SUSD5: variants seen among roughly 807,000 people sequenced by gnomAD.
SUSD5 encodes sushi domain-containing protein 5.
SUSD5 carries 33 observed loss-of-function variants against 29.5 expected under a neutral mutation model. That is an observed-to-expected ratio of 1.12 (90% CI 0.85 to 1.49). The LOEUF (loss-of-function observed/expected upper bound fraction) is 1.49. Among genes scored for constraint, SUSD5 ranks in the 40% most tolerant of loss-of-function variants. SUSD5 has a pLI of 0.00. For synonymous variants in SUSD5, 308 were observed against 325.3 expected, an observed-to-expected ratio of 0.95 and a Z score of 0.57; for missense variants, 776 against 800.6, an observed-to-expected ratio of 0.97 and a Z score of 0.37.
chr3:33,164,481 TTTATG>T (rs771525858), intron 4 of SUSD5, among the ~76,000 whole-genome samples: 5 of 152,158 alleles, frequency 3.3e-5, no homozygotes, highest in African/African-American at 9.7e-5. Context: ...GATGGTAAAT[TTTATG>T]TTATGTGGTT....
rs181564257 is a variant in SUSD5 at position 33,204,149 on chromosome 3, A to G, written c.409+3659T>C. On this transcript the variant is annotated intron_variant, in intron 3 of 4. Coordinates refer to ENST00000309558, the MANE Select transcript of SUSD5 (RefSeq NM_015551.2). This position sits in a 1 kb window ranked among gnomAD's most constrained non-coding sequence, Gnocchi z 4.5. Reference sequence around the variant, plus strand: ...CATCATATCTACAAGTTACTCTCCAATGGTTCAAAAAAGAATTATAGATAC... The same window carrying G: ...CATCATATCTACAAGTTACTCTCCAGTGGTTCAAAAAAGAATTATAGATAC... Among the ~76,000 whole-genome samples, 1,692 of 152,130 alleles carry G rather than the reference A, an allele frequency of 0.011. 18 individuals carry two copies. The highest frequency in any genetic ancestry group is 0.017 in the Non-Finnish European group (1,150 of 67,988).
chr3:33,186,961 G>T (rs183116224), intron 3 of SUSD5, among the ~76,000 whole-genome samples: 1 of 152,216 alleles, frequency 6.6e-6, no homozygotes, highest in Admixed American at 6.5e-5. Context: ...TGCATCCTCC[G>T]CAGGGTGAGT....
At chr3:33,208,638 G>T (rs994184700) in intron 2 of SUSD5, among the ~76,000 whole-genome samples, 2 of 150,562 alleles carry the variant, frequency 1.3e-5, no homozygotes, top group African/African-American at 4.9e-5. Flanking sequence ...TTCTTTTTTG[G>T]GGCAGTATTC....
At chr3:33,181,891 C>A (rs1441716320) in intron 3 of SUSD5, among the ~76,000 whole-genome samples, 1 of 152,154 alleles carries the variant, frequency 6.6e-6, no homozygotes, top group East Asian at 1.9e-4. Context: ...ACGATGTTCA[C>A]ACAATGACAA....
chr3:33,163,931 C>T (rs1445150813), intron 4 of SUSD5, among the ~76,000 whole-genome samples: 3 of 152,032 alleles, frequency 2.0e-5, no homozygotes, highest in Non-Finnish European at 2.9e-5. Context: ...ACCCGGGAGG[C>T]GGAGCTTGCA....
chr3:33,153,630 AG>A lies in SUSD5; in HGVS notation c.1001del (p.Pro334LeufsTer5). On this transcript the variant is annotated frameshift_variant, in exon 5 of 5. Coordinates refer to ENST00000309558, the MANE Select transcript of SUSD5 (RefSeq NM_015551.2). LOFTEE classifies it low-confidence loss of function (END_TRUNC). ...HSGVKLVPGE[P>X]ETKVIYGNTD... is the part of the protein sequence containing the mutation. ...TGTTGCCGTAGATCACCTTGGTTTC[AG>A]GTTCACCTGGGACCAATTTTACACC... 1 of 1,614,018 alleles carries A rather than the reference AG, an allele frequency of 6.2e-7. No individual in the cohort carries two copies. Among genetic ancestry groups the A allele is most frequent in the Non-Finnish European group, 8.5e-7 (1 of 1,179,894 alleles).
chr3:33,184,279 T>C (rs1050468348), intron 3 of SUSD5, among the ~76,000 whole-genome samples: 3 of 152,118 alleles, frequency 2.0e-5, no homozygotes, highest in Admixed American at 6.6e-5. Context: ...AGAGGAGGAA[T>C]TGCATATAAT....
intron 4 of SUSD5, among the ~76,000 whole-genome samples, chr3:33,173,732 A>G (rs2031485753): frequency 6.6e-6 from 1 of 152,166 alleles, no homozygotes; most frequent in African/African-American, 2.4e-5. Context: ...CTTGGTACCT[A>G]GATGTCATGG....
chr3:33,179,806 T>C (rs1287420324), intron 3 of SUSD5, among the ~76,000 whole-genome samples: 2 of 152,234 alleles, frequency 1.3e-5, no homozygotes, highest in Admixed American at 6.5e-5. Flanking sequence ...CTAATTTTTA[T>C]TACAGTCATG....
intron 1 of SUSD5, 133 bp downstream of exon 1, chr3:33,218,553 G>A (rs1208219650): frequency 1.2e-6 from 1 of 815,134 alleles, no homozygotes. Flanking sequence ...GCAGGACCGC[G>A]GCTCGTTCGT....
chr3:33,178,747 G>A (rs575638521), intron 3 of SUSD5, among the ~76,000 whole-genome samples: 1 of 152,274 alleles, frequency 6.6e-6, no homozygotes, highest in African/African-American at 2.4e-5. Flanking sequence ...CCGGTCTGTA[G>A]TCTTTTTTGT....
Position 33,150,186 on chromosome 3 carries a change from CCCTTT to C in SUSD5, c.*2551_*2555del, listed in dbSNP as rs1319857033. 1 of 152,086 alleles carries C rather than the reference CCCTTT, an allele frequency of 6.6e-6. No individual in the cohort carries two copies. The highest frequency in any genetic ancestry group is 2.4e-5 in the African/African-American group (1 of 41,402). 9.4% of individuals were successfully genotyped at this position (152,086 alleles called of 1,614,324 possible). The stretch of plus-strand genomic sequence containing the variant: ...TTAGATTTACATTGTTTTAATCATT[CCCTTT>C]CAACATGAATTTTTAGATTCTATAA... On this transcript the variant is annotated 3_prime_UTR_variant, in exon 5 of 5. Coordinates refer to ENST00000309558, the MANE Select transcript of SUSD5 (RefSeq NM_015551.2).
chr3:33,213,929 C>T lies in SUSD5; in HGVS notation c.289G>A (p.Gly97Arg). The change falls in exon 2 of 5, where the codon GGA (glycine) becomes AGA (arginine). Residue 97 changes from glycine (G) to arginine (R), a missense_variant and splice_region_variant. Physicochemically the swap from Gly to Arg is moderately radical, Grantham distance 125. Transcript: ENST00000309558. ...AAAAGGAGTGCTCGCCTAACTTACC[C>T]AAGAGTACCATCTGCTAGCCAGCCA... ...TTGWLADGTLGTTVCSKGSGE... is the reference protein window; with the variant it reads ...TTGWLADGTLRTTVCSKGSGE... 3 of 1,593,640 alleles carry T rather than the reference C, an allele frequency of 1.9e-6. No individual in the cohort carries two copies. The highest frequency in any genetic ancestry group is 4.5e-5 in the East Asian group (2 of 44,354).
chr3:33,202,743 T>C (rs2032144205), intron 3 of SUSD5, among the ~76,000 whole-genome samples: 1 of 152,192 alleles, frequency 6.6e-6, no homozygotes, highest in South Asian at 2.1e-4. Flanking sequence ...TAACTTCACT[T>C]ATTAGTTTAA....
intron 3 of SUSD5, among the ~76,000 whole-genome samples, chr3:33,200,815 T>A (rs2032102767): frequency 6.6e-6 from 1 of 152,196 alleles, no homozygotes; most frequent in Admixed American, 6.5e-5. Flanking sequence ...AGAACTTGGC[T>A]GAATTGTGTT....
chr3:33,174,368 G>A (rs1196484974), intron 4 of SUSD5, among the ~76,000 whole-genome samples: 4 of 152,126 alleles, frequency 2.6e-5, no homozygotes, highest in Non-Finnish European at 5.9e-5. Context: ...CCCCATAAGA[G>A]TCTGAATGTC....
At chr3:33,174,206 G>A (rs372096483) in intron 4 of SUSD5, among the ~76,000 whole-genome samples, 4 of 152,182 alleles carry the variant, frequency 2.6e-5, no homozygotes, top group East Asian at 1.9e-4. Context: ...AGTCTCATCC[G>A]TGGGAATAGC....
intron 1 of SUSD5, among the ~76,000 whole-genome samples, chr3:33,217,840 G>A (rs2032452017): frequency 6.6e-6 from 1 of 152,126 alleles, no homozygotes; most frequent in African/African-American, 2.4e-5. Flanking sequence ...CTACCTCATG[G>A]GTGTGAGAAC....
chr3:33,175,838 T>C (rs2125621121), intron 3 of SUSD5, among the ~76,000 whole-genome samples: 1 of 152,262 alleles, frequency 6.6e-6, no homozygotes, highest in African/African-American at 2.4e-5. Context: ...ACTCCACTGA[T>C]ACCTCATTAT....
Sources: allele counts gnomAD v4.1 joint callset (sites outside exome capture counted in the v4.1 genomes callset), GRCh38; gene constraint gnomAD v4.1.1; non-coding constraint Gnocchi (gnomAD v3.1); transcripts MANE v1.5; gene names NCBI Gene and HGNC (gene_info 2026-07-23, HGNC 2026-07-21).